The following MYOF variants were observed in gnomAD, a reference collection of about 807,000 sequenced individuals.
MYOF encodes fer-1-like 3, myoferlin.
In MYOF, 244 loss-of-function variants were observed where a neutral mutation model predicts 284.2. The ratio of observed to expected loss-of-function variants is 0.86; its 90% confidence interval spans 0.77 to 0.95. The LOEUF (loss-of-function observed/expected upper bound fraction) is 0.95, where lower values mean the gene tolerates loss of function less well. Ranked by LOEUF, MYOF falls within the 40% of genes least tolerant of loss-of-function variation. MYOF has a pLI of 0.00. For synonymous variants in MYOF, 904 were observed against 919.7 expected, an observed-to-expected ratio of 0.98 and a Z score of 0.31; for missense variants, 2,496 against 2,560.6, an observed-to-expected ratio of 0.97 and a Z score of 0.54.
Position 93,382,666 on chromosome 10 carries a change from A to C in MYOF, c.1699-1270T>G, listed in dbSNP as rs548650686. On this transcript the variant is annotated intron_variant, in intron 19 of 53. Coordinates refer to ENST00000359263, the MANE Select transcript of MYOF (RefSeq NM_013451.4). Reference sequence around the variant, plus strand: ...TCTCTTGAATCCATATCCTGCCCCAAATCCTTGCTCAGCTGGCATATCTCC... The same window carrying C: ...TCTCTTGAATCCATATCCTGCCCCACATCCTTGCTCAGCTGGCATATCTCC... Among the ~76,000 whole-genome samples the C allele has an allele frequency of 2.0e-5, 3 of 152,198 alleles. No individual in the cohort carries two copies. In the East Asian group the frequency reaches 5.8e-4, roughly 29 times the overall value.
intron 1 of MYOF, among the ~76,000 whole-genome samples, chr10:93,472,412 G>T (rs571205589): frequency 1.3e-3 from 194 of 152,246 alleles, no homozygotes; most frequent in African/African-American, 4.6e-3. Flanking sequence ...GCCGAGGTGG[G>T]CAGATCACTT....
At chr10:93,399,517 G>A in intron 12 of MYOF, 22 bp from the exon 13 acceptor site, 1 of 1,545,266 alleles carries the variant, frequency 6.5e-7, no homozygotes, top group Non-Finnish European at 8.8e-7. Context: ...TAGTTATACA[G>A]CAGAAATTAA....
intron 32 of MYOF, among the ~76,000 whole-genome samples, 153 bp downstream of exon 32, chr10:93,353,658 A>G (rs745444536): frequency 6.6e-6 from 1 of 152,208 alleles, no homozygotes; most frequent in Non-Finnish European, 1.5e-5. Context: ...GATTTATCTA[A>G]TGACTGAGCA....
At position 93,454,986 on chromosome 10, in the gene MYOF, TTAAAAA is replaced by T. The variant is rs1231618910; in HGVS notation, c.144+1890_144+1895del. On this transcript the variant is annotated intron_variant, in intron 2 of 53. Coordinates refer to ENST00000359263, the MANE Select transcript of MYOF (RefSeq NM_013451.4). Reference sequence around the variant, plus strand: ...AGAGCGAGACCCTGTCTTTTTTTAATTAAAAAAAAAAAAAAAAAAAAAAAAAAGGCC... The same window carrying T: ...AGAGCGAGACCCTGTCTTTTTTTAATAAAAAAAAAAAAAAAAAAAAAGGCC... Among the ~76,000 whole-genome samples, 6 of 84,582 alleles carry T rather than the reference TTAAAAA, an allele frequency of 7.1e-5. 1 individual carries two copies. Among genetic ancestry groups the T allele is most frequent in the Admixed American group, 1.4e-4 (1 of 6,944 alleles). The allele number at this position is 84,582 out of a possible 152,430, so 55.5% of individuals were successfully genotyped here. A position where few individuals can be genotyped will look rare whatever the true frequency, so the allele number is the denominator to read the frequency against.
At chr10:93,427,129 G>A (rs2134197904) in intron 4 of MYOF, among the ~76,000 whole-genome samples, 1 of 150,984 alleles carries the variant, frequency 6.6e-6, no homozygotes, top group South Asian at 2.1e-4. Context: ...CACGTGATCT[G>A]CCCACCTCAG....
At chr10:93,461,080 G>A (rs963971941) in intron 1 of MYOF, among the ~76,000 whole-genome samples, 1 of 126,184 alleles carries the variant, frequency 7.9e-6, no homozygotes, top group African/African-American at 2.9e-5. Flanking sequence ...GGCAACAAGA[G>A]CAAAACTCCA....
chr10:93,417,958 C>A (rs557172257), intron 5 of MYOF, among the ~76,000 whole-genome samples: 4 of 152,240 alleles, frequency 2.6e-5, no homozygotes, highest in Non-Finnish European at 5.9e-5. Flanking sequence ...TCATCACACC[C>A]AGCTAACTAT....
Position 93,347,786 on chromosome 10 carries a change from G to A in MYOF, c.4084-4C>T. Reference sequence around the variant, plus strand: ...ACAATTCCTCCTTGGGCAAGAACTGGGGGTCACAAAGGTAGGTTTCATTTC... The same window carrying A: ...ACAATTCCTCCTTGGGCAAGAACTGAGGGTCACAAAGGTAGGTTTCATTTC... On this transcript the variant is annotated splice_region_variant and splice_polypyrimidine_tract_variant and intron_variant, in intron 36 of 53. Coordinates refer to ENST00000359263, the MANE Select transcript of MYOF (RefSeq NM_013451.4). 3 of 1,607,242 alleles carry A rather than the reference G, an allele frequency of 1.9e-6. No homozygotes were observed. The highest frequency in any genetic ancestry group is 2.6e-6 in the Non-Finnish European group (3 of 1,175,298).
chr10:93,355,768 G>T, intron 30 of MYOF, 32 bp from the exon 31 acceptor site: 1 of 1,549,996 alleles, frequency 6.5e-7, no homozygotes. Context: ...AATTAGCAGA[G>T]AAGTCAATAA....
chr10:93,397,181 G>T, intron 15 of MYOF, 66 bp downstream of exon 15: 2 of 1,340,340 alleles, frequency 1.5e-6, no homozygotes, highest in Non-Finnish European at 1.0e-6. Flanking sequence ...ACAATCCAGA[G>T]TAATGTTTCA....
At position 93,401,479 on chromosome 10, in the gene MYOF, G is replaced by T; in HGVS notation, c.1056C>A (p.Gly352=). The T allele has an allele frequency of 6.2e-7, 1 of 1,614,152 alleles. No individual in the cohort carries two copies. The highest frequency in any genetic ancestry group is 1.1e-5 in the South Asian group (1 of 91,078). The change falls in exon 12 of 54, where the codon GGC becomes GGA. Residue 352 remains glycine, a synonymous_variant. Coordinates refer to ENST00000359263, the MANE Select transcript of MYOF (RefSeq NM_013451.4). ...AGAAGGTCACCCACCGGAGGGCAAT[G>T]CCAGCAGGGAGTAACAAATTACTCT... ...DVESNLLLPA[G]IALRWVTFLL... is the part of the protein sequence containing the mutation.
At position 93,401,414 on chromosome 10, in the gene MYOF, A is replaced by T; in HGVS notation, c.1117+4T>A. On this transcript the variant is annotated splice_donor_region_variant and intron_variant, in intron 12 of 53. Transcript: ENST00000359263. The stretch of plus-strand genomic sequence containing the variant: ...TTCTGGGGCAAGATTAAATCAGTAC[A>T]TACTCTGGGGGATGTCCTCAGCTCG... The T allele has an allele frequency of 6.2e-7, 1 of 1,614,050 alleles. No homozygotes were observed. Among genetic ancestry groups the T allele is most frequent in the Non-Finnish European group, 8.5e-7 (1 of 1,179,964 alleles).
At chr10:93,316,929 T>A in intron 49 of MYOF, 116 bp from the exon 50 acceptor site, 1 of 758,296 alleles carries the variant, frequency 1.3e-6, no homozygotes, top group Non-Finnish European at 2.2e-6. Context: ...TGACACTCCC[T>A]TGGGCCTAAA....
chr10:93,481,685 C>T (rs576739926), intron 1 of MYOF, among the ~76,000 whole-genome samples: 1 of 152,182 alleles, frequency 6.6e-6, no homozygotes. Context: ...ATCAAAGCAG[C>T]GTCAGGCTGG....
At chr10:93,428,810 T>C (rs941523600) in intron 4 of MYOF, among the ~76,000 whole-genome samples, 4 of 152,118 alleles carry the variant, frequency 2.6e-5, no homozygotes, top group Admixed American at 2.6e-4. Context: ...AAGGGCTTAG[T>C]TGCTAAACTG....
rs201166887 is a variant in MYOF, at chr10:93,316,745, G to T, written c.5667C>A (p.Asp1889Glu). The change falls in exon 50 of 54, where the codon GAC becomes GAA. Residue 1889 changes from aspartate (D) to glutamate (E), a missense_variant. Physicochemically the swap from Asp to Glu is conservative, Grantham distance 45 (BLOSUM62 2). Around this residue, in one of 3 missense-constraint regions of MYOF, gnomAD observed 2,436 missense variants for 2,480.7 expected, o/e 0.98. Transcript: ENST00000359263. The part of the protein sequence containing the change: ...IPPRLIIQIW[D>E]NDKFSLDDYL... ...AGTCATCCAGAGAAAACTTGTCATT[G>T]TCCCATATCTGAATGATCAGCCTGG... 1,324 of 1,613,866 alleles carry T rather than the reference G, an allele frequency of 8.2e-4. 12 individuals carry two copies. Among genetic ancestry groups the T allele is most frequent in the South Asian group, 7.5e-3 (683 of 91,066 alleles).
intron 46 of MYOF, among the ~76,000 whole-genome samples, chr10:93,324,833 G>A (rs528715522): frequency 1.1e-4 from 16 of 151,922 alleles, no homozygotes; most frequent in African/African-American, 3.9e-4. Context: ...AGGCTAGAGT[G>A]CAGTGGTGGG....
Position 93,337,821 on chromosome 10 carries a change from C to T in MYOF, c.4431G>A (p.Lys1477=). 1.2e-6 allele frequency: 2 copies of T among 1,613,704 alleles called. No individual in the cohort carries two copies. Among genetic ancestry groups the T allele is most frequent in the Non-Finnish European group, 1.7e-6 (2 of 1,179,730 alleles). The part of the protein sequence containing the change: ...CGQYIQKGYS[K]LKIYNCELEN... Reference sequence around the variant, plus strand: ...GCAGCATAGATCCAGGTACCTTGAGCTTGGAATAGCCTTTCTGAATATACT... The same window carrying T: ...GCAGCATAGATCCAGGTACCTTGAGTTTGGAATAGCCTTTCTGAATATACT... The change falls in exon 40 of 54, where the codon AAG becomes AAA. Residue 1477 remains lysine (K), a synonymous_variant. Transcript: ENST00000359263.
chr10:93,440,973 T>C (rs959149170), intron 3 of MYOF, among the ~76,000 whole-genome samples: 2 of 152,160 alleles, frequency 1.3e-5, no homozygotes, highest in Non-Finnish European at 2.9e-5. Context: ...CCAAACCAGC[T>C]CAGATCATTT....
Sources: allele counts gnomAD v4.1 joint callset (sites outside exome capture counted in the v4.1 genomes callset), GRCh38; gene constraint gnomAD v4.1.1; regional missense constraint gnomAD v4.1.1; transcripts MANE v1.5; gene names NCBI Gene and HGNC (gene_info 2026-07-23, HGNC 2026-07-21).